The following KLHL21 variants were observed in gnomAD, a reference collection of about 807,000 sequenced individuals.
KLHL21 encodes kelch-like protein 21.
A neutral mutation model predicts 44.1 loss-of-function variants in KLHL21; 42 were observed. The ratio of observed to expected loss-of-function variants is 0.95; its 90% CI spans 0.74 to 1.23. The LOEUF (loss-of-function observed/expected upper bound fraction) is 1.23, where lower values mean the gene tolerates loss of function less well. Among genes scored for constraint, KLHL21 ranks in the 50% most tolerant of loss-of-function variants. The pLI, the probability that KLHL21 is intolerant of heterozygous loss-of-function variation, is 0.00. For synonymous variants in KLHL21, 524 were observed against 411.6 expected (o/e 1.27, Z -3.31); for missense variants, 918 against 889.1 (o/e 1.03, Z -0.41).
chr1:6,593,422 G>A lies in KLHL21; in HGVS notation c.1737C>T (p.Ser579=), dbSNP rs765329340. Reference sequence around the variant, plus strand: ...GGGGTCGGCCTGGGTCCATGTCATCGCTGCCACTGTCCAACTCGAAGCCAC... The same window carrying A: ...GGGGTCGGCCTGGGTCCATGTCATCACTGCCACTGTCCAACTCGAAGCCAC... The part of the protein sequence containing the change: ...GGRGFELDSG[S]DDMDPGRPRP... The change falls in exon 4 of 4, where the codon AGC becomes AGT. Residue 579 remains serine, a synonymous_variant. Coordinates refer to ENST00000377658, the MANE Select transcript of KLHL21 (RefSeq NM_014851.4). 1.7e-5 allele frequency: 27 copies of A among 1,611,124 alleles called. No individual in the cohort carries two copies. The highest frequency in any genetic ancestry group is 2.2e-5 in the East Asian group (1 of 44,848).
At chr1:6,597,124 G>A (rs1248347249) in intron 2 of KLHL21, among the ~76,000 whole-genome samples, 1 of 152,234 alleles carries the variant, frequency 6.6e-6, no homozygotes, top group East Asian at 1.9e-4. Flanking sequence ...TCCGGCACAG[G>A]TCACACTGGT....
intron 2 of KLHL21, among the ~76,000 whole-genome samples, chr1:6,596,078 T>C (rs1273432263): frequency 6.6e-6 from 1 of 152,108 alleles, no homozygotes; most frequent in Admixed American, 6.5e-5. Flanking sequence ...ATCCCCACAG[T>C]AAAAGGCTCA....
rs762816657 is a variant in KLHL21 at position 6,593,434 on chromosome 1, C to T, written c.1725G>A (p.Leu575=). 1.2e-5 allele frequency: 19 copies of T among 1,612,904 alleles called. No homozygotes were observed. In the South Asian group the frequency reaches 2.1e-4, roughly 18 times the overall value. The change falls in exon 4 of 4, where the codon TTG becomes TTA. Residue 575 remains leucine, a synonymous_variant. Transcript: ENST00000377658. ...QTFSGGRGFE[L]DSGSDDMDPG... The stretch of plus-strand genomic sequence containing the variant: ...GGTCCATGTCATCGCTGCCACTGTC[C>T]AACTCGAAGCCACGCCCACCCGAGA...
chr1:6,592,483 C>A lies in KLHL21; in HGVS notation c.*882G>T, dbSNP rs1400257123. ...GTAGAGCTCCTTCTTCTTCCCACTT[C>A]TTCTAAGGTCAAACTGCAAGCATTT... On this transcript the variant is annotated 3_prime_UTR_variant, in exon 4 of 4. Transcript: ENST00000377658. 1 of 152,318 alleles carries A rather than the reference C, an allele frequency of 6.6e-6. No individual in the cohort carries two copies. Among genetic ancestry groups the A allele is most frequent in the Non-Finnish European group, 1.5e-5 (1 of 68,088 alleles). 9.4% of individuals were successfully genotyped at this position (152,318 alleles called of 1,614,324 possible).
At chr1:6,593,842 C>G in intron 3 of KLHL21, 184 bp from the exon 4 acceptor site, 1 of 1,365,268 alleles carries the variant, frequency 7.3e-7, no homozygotes, top group East Asian at 2.6e-5. Context: ...CGGGCCTCCC[C>G]GGAGGCAGCT....
intron 3 of KLHL21, chr1:6,594,197 A>G: frequency 1.9e-6 from 1 of 515,138 alleles, no homozygotes; most frequent in Non-Finnish European, 2.5e-6. Flanking sequence ...CACGGAGTGT[A>G]GGTTTGGAAA....
intron 1 of KLHL21, chr1:6,599,910 G>T: frequency 1.2e-5 from 2 of 165,062 alleles, no homozygotes; most frequent in South Asian, 1.7e-4. Context: ...CCCACTTCCT[G>T]CTTTAAGCAA....
Position 6,602,210 on chromosome 1 carries a change from A to G in KLHL21, c.608T>C (p.Leu203Pro). 1 of 1,517,432 alleles carries G rather than the reference A, an allele frequency of 6.6e-7. No homozygotes were observed. The highest frequency in any genetic ancestry group is 8.8e-7 in the Non-Finnish European group (1 of 1,139,804). 94.0% of individuals were successfully genotyped at this position (1,517,432 alleles called of 1,614,324 possible). A position where few individuals can be genotyped will look rare whatever the true frequency, so the allele number is the denominator to read the frequency against. Reference sequence around the variant, plus strand: ...CGGCGGGTCAGCGCGGACCCAGCGCAGCGCCAGCTGGTAGGCGGCCTCCTC... The same window carrying G: ...CGGCGGGTCAGCGCGGACCCAGCGCGGCGCCAGCTGGTAGGCGGCCTCCTC... ...PKEEAAYQLA[L>P]RWVRADPPRR... is the part of the protein sequence containing the mutation. Residue 203 changes from leucine to proline, a missense_variant, in exon 1 of 4, where the codon CTG becomes CCG. By Grantham distance (98) the Leu-to-Pro change is moderately conservative. Transcript: ENST00000377658.
intron 2 of KLHL21, among the ~76,000 whole-genome samples, chr1:6,597,403 A>G (rs943721134): frequency 2.0e-5 from 3 of 152,180 alleles, no homozygotes; most frequent in African/African-American, 7.2e-5. Flanking sequence ...TGGCCCTCTG[A>G]TAAGTTGTAT....
In KLHL21 at chr1:6,591,583, T is replaced by TAA. The variant is rs1278505034; in HGVS notation, c.*1781_*1782insTT. 1 of 152,322 alleles carries TAA rather than the reference T, an allele frequency of 6.6e-6. No individual in the cohort carries two copies. The highest frequency in any genetic ancestry group is 1.5e-5 in the Non-Finnish European group (1 of 68,136). 9.4% of individuals were successfully genotyped at this position (152,322 alleles called of 1,614,324 possible). A position where few individuals can be genotyped will look rare whatever the true frequency, so the allele number is the denominator to read the frequency against. On this transcript the variant is annotated 3_prime_UTR_variant, in exon 4 of 4. Transcript: ENST00000377658. ...ACCTTGTATGGCCAAACCCAGCCCT[T>TAA]ACGCCCCTGCTGACAAGGGAGACAA...
At chr1:6,600,414 C>A (rs1217139378) in intron 1 of KLHL21, among the ~76,000 whole-genome samples, 2 of 152,182 alleles carry the variant, frequency 1.3e-5, no homozygotes, top group African/African-American at 2.4e-5. Context: ...TACACCAGGT[C>A]TATTAGAAAC....
intron 1 of KLHL21, chr1:6,599,747 T>G: frequency 2.3e-6 from 1 of 435,368 alleles, no homozygotes; most frequent in Non-Finnish European, 4.2e-6. Context: ...CAGCCATACA[T>G]ACACCTCAGC....
intron 1 of KLHL21, among the ~76,000 whole-genome samples, chr1:6,600,962 C>T (rs1318324812): frequency 1.3e-5 from 2 of 152,214 alleles, no homozygotes. Context: ...AGTGGGCTCT[C>T]TCGCGAACAT....
intron 2 of KLHL21, 23 bp downstream of exon 2, chr1:6,599,024 G>T: frequency 6.5e-7 from 1 of 1,548,798 alleles, no homozygotes; most frequent in Non-Finnish European, 8.7e-7. Context: ...AACACACAGT[G>T]GGGCTCGGCA....
rs899343653 is a variant in KLHL21, at chr1:6,593,093, C to T, written c.*272G>A. 2 of 475,908 alleles carry T rather than the reference C, an allele frequency of 4.2e-6. No homozygotes were observed. Among genetic ancestry groups the T allele is most frequent in the African/African-American group, 1.9e-5 (1 of 52,400 alleles). The allele number at this position is 475,908 out of a possible 1,614,324, so 29.5% of individuals were successfully genotyped here. ...TGCGCCGCGTGGGTGAGCTGTGATC[C>T]GCGGGGTGGGGGTGACCTCCAAGAC... On this transcript the variant is annotated 3_prime_UTR_variant, in exon 4 of 4. Coordinates refer to ENST00000377658, the MANE Select transcript of KLHL21 (RefSeq NM_014851.4).
Position 6,602,626 on chromosome 1 carries a change from C to T in KLHL21, c.192G>A (p.Met64Ile), listed in dbSNP as rs1570207874. The change falls in exon 1 of 4, where the codon ATG becomes ATA. Residue 64 changes from methionine to isoleucine, a missense_variant. Physicochemically the swap from Met to Ile is conservative, Grantham distance 10. Coordinates refer to ENST00000377658, the MANE Select transcript of KLHL21 (RefSeq NM_014851.4). ...GGCTCTCGCGCAGCTGCCCCGCGAA[C>T]ATGGCGCGGAAGTAGGGGCTGGCGG... ...LAAASPYFRA[M>I]FAGQLRESRA... The T allele has an allele frequency of 6.6e-7, 1 of 1,519,670 alleles. No individual in the cohort carries two copies. The highest frequency in any genetic ancestry group is 8.8e-7 in the Non-Finnish European group (1 of 1,139,642). 94.1% of individuals were successfully genotyped at this position (1,519,670 alleles called of 1,614,324 possible).
intron 1 of KLHL21, among the ~76,000 whole-genome samples, chr1:6,600,920 A>G (rs756236396): frequency 1.3e-5 from 2 of 152,358 alleles, no homozygotes; most frequent in African/African-American, 4.8e-5. Flanking sequence ...CTGACACCTC[A>G]GAGCCCCACT....
At position 6,601,771 on chromosome 1, in the gene KLHL21, G is replaced by A. The variant is rs973767474; in HGVS notation, c.1021+26C>T. 15 of 1,528,578 alleles carry A rather than the reference G, an allele frequency of 9.8e-6. No individual in the cohort carries two copies. In the Admixed American group the frequency reaches 1.2e-4, roughly 12 times the overall value. 94.7% of individuals were successfully genotyped at this position (1,528,578 alleles called of 1,614,324 possible). A position where few individuals can be genotyped will look rare whatever the true frequency, so the allele number is the denominator to read the frequency against. ...TACCGGCGAGGTTCAACCCCAGAGA[G>A]CCTGCCCAGCCCCTGGCCCACTCAC... On this transcript the variant is annotated intron_variant, in intron 1 of 3. Coordinates refer to ENST00000377658, the MANE Select transcript of KLHL21 (RefSeq NM_014851.4).
Position 6,590,837 on chromosome 1 carries a change from G to T in KLHL21, c.*2528C>A. On this transcript the variant is annotated 3_prime_UTR_variant, in exon 4 of 4. Transcript: ENST00000377658. ...CAAAAATAAATATGTCAACCTGCCC[G>T]ACCCTCTGGGGTGAACTGGATGTGG... 1 of 398,184 alleles carries T rather than the reference G, an allele frequency of 2.5e-6. No individual in the cohort carries two copies. The highest frequency in any genetic ancestry group is 1.3e-4 in the South Asian group (1 of 7,682). The allele number at this position is 398,184 out of a possible 1,614,324, so 24.7% of individuals were successfully genotyped here.
Sources: allele counts gnomAD v4.1 joint callset (sites outside exome capture counted in the v4.1 genomes callset), GRCh38; gene constraint gnomAD v4.1.1; transcripts MANE v1.5; gene names NCBI Gene and HGNC (gene_info 2026-07-23, HGNC 2026-07-21).